The following NR3C2 variants were observed in gnomAD, a reference collection of about 807,000 sequenced individuals.
NR3C2 encodes the protein mineralocorticoid receptor.
In NR3C2, 15 loss-of-function variants were observed where a neutral mutation model predicts 86.4. The observed-to-expected ratio is 0.17, with a 90% confidence interval of 0.12 to 0.27. The LOEUF (loss-of-function observed/expected upper bound fraction) is 0.27, where lower values mean the gene tolerates loss of function less well. Among genes scored for constraint, NR3C2 ranks in the 10% least tolerant of loss-of-function variants. The probability of loss-of-function intolerance (pLI) is 1.00; values close to 1 mark genes in which losing one functional copy is unlikely to be tolerated. For synonymous variants in NR3C2, 458 were observed against 450.5 expected (o/e 1.02, Z -0.21); for missense variants, 960 against 1,195.6 (o/e 0.80, Z 2.91).
intron 2 of NR3C2, among the ~76,000 whole-genome samples, chr4:148,423,220 C>T (rs1200484046): frequency 3.2e-5 from 3 of 95,030 alleles, no homozygotes; most frequent in Admixed American, 1.3e-4. Flanking sequence ...TTATGTCATT[C>T]CTGAATTAAA....
intron 2 of NR3C2, among the ~76,000 whole-genome samples, chr4:148,278,961 G>A (rs764531370): frequency 1.3e-5 from 2 of 151,912 alleles, no homozygotes; most frequent in South Asian, 2.1e-4. Context: ...TCAGGAGTTC[G>A]AGACCAGCCT....
At chr4:148,251,094 C>T (rs1236274207) in intron 3 of NR3C2, among the ~76,000 whole-genome samples, 1 of 152,072 alleles carries the variant, frequency 6.6e-6, no homozygotes, top group Non-Finnish European at 1.5e-5. Flanking sequence ...AGACTGCAAG[C>T]ATGCACCACC....
chr4:148,347,091 A>C (rs546086548), intron 2 of NR3C2, among the ~76,000 whole-genome samples: 5 of 152,176 alleles, frequency 3.3e-5, no homozygotes, highest in Non-Finnish European at 7.4e-5. Context: ...GCCACGTAAG[A>C]AAAGCACTGC....
intron 2 of NR3C2, among the ~76,000 whole-genome samples, chr4:148,357,528 G>A (rs867107081): frequency 6.6e-6 from 1 of 152,170 alleles, no homozygotes; most frequent in Middle Eastern, 3.4e-3. Flanking sequence ...CATAACTTCA[G>A]TTATGCAAAT....
chr4:148,272,643 G>A (rs534816880), intron 2 of NR3C2, among the ~76,000 whole-genome samples: 3 of 152,174 alleles, frequency 2.0e-5, no homozygotes, highest in East Asian at 1.9e-4. Flanking sequence ...ACTTAAAAAC[G>A]ATAACTGTTA....
At chr4:148,296,241 T>C (rs962188313) in intron 2 of NR3C2, among the ~76,000 whole-genome samples, 3 of 152,062 alleles carry the variant, frequency 2.0e-5, no homozygotes, top group Non-Finnish European at 4.4e-5. Context: ...TTTTGTTTAC[T>C]GTCAACTTAC....
intron 4 of NR3C2, among the ~76,000 whole-genome samples, chr4:148,168,443 G>A (rs1734979222): frequency 6.6e-6 from 1 of 152,212 alleles, no homozygotes; most frequent in South Asian, 2.1e-4. Flanking sequence ...AAGATGAACT[G>A]GCTTGCCAGG....
At chr4:148,201,009 GGTATCCCTGGT>G (rs1415473189) in intron 3 of NR3C2, 1 of 152,110 alleles carries the variant, frequency 6.6e-6, no homozygotes, top group Non-Finnish European at 1.5e-5. Flanking sequence ...GAAGCTAAGG[GGTATCCCTGGT>G]GTTTCCCTCC....
At chr4:148,130,995 T>A (rs1733020040) in intron 6 of NR3C2, among the ~76,000 whole-genome samples, 1 of 151,984 alleles carries the variant, frequency 6.6e-6, no homozygotes, top group South Asian at 2.1e-4. Flanking sequence ...AATGCCTGGC[T>A]AATTTTTTTT....
rs191318117 is a variant in NR3C2, at chr4:148,399,408, C to T, written c.1757+35696G>A. ...ATATAATACACTACATATTAAATGACATACATATAGTGTATTATATATAAT... is the reference window on the plus strand; with the variant it reads ...ATATAATACACTACATATTAAATGATATACATATAGTGTATTATATATAAT... On this transcript the variant is annotated intron_variant, in intron 2 of 8. Transcript: ENST00000358102. Among the ~76,000 whole-genome samples, 158 of 151,582 alleles carry T rather than the reference C, an allele frequency of 1.0e-3. 1 individual carries two copies. Among genetic ancestry groups the T allele is most frequent in the Non-Finnish European group, 4.1e-4 (28 of 67,908 alleles).
At chr4:148,221,893 TA>T (rs11378484) in intron 3 of NR3C2, among the ~76,000 whole-genome samples, 1,295 of 122,664 alleles carry the variant, frequency 0.011, 10 homozygotes, top group African/African-American at 0.015. Flanking sequence ...GACTCTGTCT[TA>T]AAAAAAAAAA....
chr4:148,253,167 T>C (rs1240048629), intron 3 of NR3C2, among the ~76,000 whole-genome samples: 1 of 152,210 alleles, frequency 6.6e-6, no homozygotes, highest in Non-Finnish European at 1.5e-5. Context: ...ACATAAGTAG[T>C]TACCAACAAC....
At chr4:148,300,845 T>A (rs1193360261) in intron 2 of NR3C2, among the ~76,000 whole-genome samples, 8 of 152,194 alleles carry the variant, frequency 5.3e-5, no homozygotes, top group African/African-American at 1.4e-4. Flanking sequence ...GTGTTGGGAT[T>A]ACAGGCATGA....
intron 2 of NR3C2, among the ~76,000 whole-genome samples, chr4:148,268,190 T>G (rs1234845736): frequency 6.6e-6 from 1 of 152,134 alleles, no homozygotes; most frequent in Non-Finnish European, 1.5e-5. Flanking sequence ...CCACCTGCCT[T>G]GGCCTCCCAA....
chr4:148,261,772 T>A (rs1740134957), intron 2 of NR3C2, among the ~76,000 whole-genome samples: 1 of 152,314 alleles, frequency 6.6e-6, no homozygotes, highest in Admixed American at 6.5e-5. Context: ...ATGGTTATGT[T>A]ACAGTGAAGA....
chr4:148,307,489 G>C (rs183105418), intron 2 of NR3C2, among the ~76,000 whole-genome samples: 4 of 152,332 alleles, frequency 2.6e-5, no homozygotes, highest in Admixed American at 2.6e-4. Context: ...CAGAGAATGT[G>C]AGATGTATGC....
chr4:148,327,728 T>C (rs1489621354), intron 2 of NR3C2, among the ~76,000 whole-genome samples: 2 of 152,182 alleles, frequency 1.3e-5, no homozygotes, highest in African/African-American at 4.8e-5. Context: ...TGCTAGTGGT[T>C]GACATATTAA....
intron 4 of NR3C2, among the ~76,000 whole-genome samples, chr4:148,189,680 T>C (rs989870055): frequency 2.6e-4 from 39 of 152,198 alleles, no homozygotes; most frequent in African/African-American, 8.4e-4. Flanking sequence ...AATTTTTTAG[T>C]TACCATTTCA....
chr4:148,139,047 C>T lies in NR3C2; in HGVS notation c.2510+13422G>A, dbSNP rs556092266. ...TCTTAGGCTTCTCAGCCTCTACAAC[C>T]GTAAGAAATAAATCTTGGTTCTTTA... On this transcript the variant is annotated intron_variant, in intron 6 of 8. Coordinates refer to ENST00000358102, the MANE Select transcript of NR3C2 (RefSeq NM_000901.5). Among the ~76,000 whole-genome samples the T allele has an allele frequency of 2.0e-4, 30 of 152,248 alleles. No individual in the cohort carries two copies. The South Asian group carries it at 3.5e-3, about 18-fold the overall frequency.
Sources: gnomAD v4.1 joint callset for allele counts (sites outside exome capture counted in the v4.1 genomes callset) on GRCh38, gnomAD v4.1.1 for gene constraint, MANE v1.5 for transcripts, NCBI Gene and HGNC (gene_info 2026-07-23, HGNC 2026-07-21) for gene names.